ARL9: variants seen among roughly 807,000 people sequenced by gnomAD.
ARL9 encodes the protein ARF like GTPase 9, also known as ADP-ribosylation factor-like protein 9.
A neutral mutation model predicts 27.0 loss-of-function variants in ARL9; 14 were observed. That is an observed-to-expected ratio of 0.52 (90% CI 0.34 to 0.81). The LOEUF (loss-of-function observed/expected upper bound fraction) is 0.81, where lower values mean the gene tolerates loss of function less well. ARL9 is among the 30% of genes least tolerant of loss of function. ARL9 has a pLI of 0.01. For missense variants in ARL9, 294 were observed against 290.0 expected, an observed-to-expected ratio of 1.01 and a Z score of -0.10; for synonymous variants, 106 against 108.7, an observed-to-expected ratio of 0.98 and a Z score of 0.15.
chr4:56,519,747 T>C (rs935023390), intron 3 of ARL9, among the ~76,000 whole-genome samples: 1 of 152,216 alleles, frequency 6.6e-6, no homozygotes, highest in African/African-American at 2.4e-5. Context: ...TTGTTTTGTA[T>C]GTTTTATGTT....
At chr4:56,516,702 G>A (rs1578212559) in intron 2 of ARL9, among the ~76,000 whole-genome samples, 1 of 152,132 alleles carries the variant, frequency 6.6e-6, no homozygotes, top group Non-Finnish European at 1.5e-5. Flanking sequence ...AAGCCAAGGT[G>A]GGTGGATCAC....
At position 56,518,709 on chromosome 4, in the gene ARL9, G is replaced by A. The variant is rs896944003; in HGVS notation, c.474G>A (p.Trp158Ter). 11 of 1,613,394 alleles carry A rather than the reference G, an allele frequency of 6.8e-6. No homozygotes were observed. Among genetic ancestry groups the A allele is most frequent in the Non-Finnish European group, 9.3e-6 (11 of 1,179,668 alleles). ...IGGSKPFRSYWEMYLSKGLLL... is the reference protein window; with the variant it reads ...IGGSKPFRSY ...GCAGTAAACCTTTTCGGTCCTACTG[G>A]GAAATGTACCTATCCAAGGGATTGC... Residue 158 changes from tryptophan to a stop codon, truncating the protein, a stop_gained, in exon 3 of 4, where the codon TGG becomes TGA. Coordinates refer to ENST00000640821, the MANE Select transcript of ARL9 (RefSeq NM_001363794.2). LOFTEE classifies it high-confidence loss of function.
At chr4:56,522,811 C>T (rs56285529) in intron 3 of ARL9, among the ~76,000 whole-genome samples, 1 of 152,160 alleles carries the variant, frequency 6.6e-6, no homozygotes, top group Non-Finnish European at 1.5e-5. Context: ...CCATCTCTTT[C>T]CCTGTCTCTC....
rs1721921339 is a variant in ARL9 at position 56,521,640 on chromosome 4, T to C, written c.619-2057T>C. On this transcript the variant is annotated intron_variant, in intron 3 of 3. Transcript: ENST00000640821. ...TCTACATCCTTGTCAATACTTGGTATTATCAGACTTTTTCATTTTTGCCAA... is the reference window on the plus strand; with the variant it reads ...TCTACATCCTTGTCAATACTTGGTACTATCAGACTTTTTCATTTTTGCCAA... Among the ~76,000 whole-genome samples the C allele has an allele frequency of 2.0e-5, 3 of 152,350 alleles. No individual in the cohort carries two copies. In the South Asian group the frequency reaches 6.2e-4, roughly 32 times the overall value.
At chr4:56,523,241 G>T (rs1721976333) in intron 3 of ARL9, among the ~76,000 whole-genome samples, 2 of 152,186 alleles carry the variant, frequency 1.3e-5, no homozygotes, top group South Asian at 4.1e-4. Flanking sequence ...TTTTAAAAAT[G>T]AGTGGGGCGT....
In ARL9 at chr4:56,509,542, G is replaced by GT. The variant is rs372463247; in HGVS notation, c.280-1633dup. 4.6e-3 allele frequency among the ~76,000 whole-genome samples: 652 copies of GT among 143,264 alleles called. 5 individuals carry two copies. Among genetic ancestry groups the GT allele is most frequent in the African/African-American group, 0.014 (543 of 39,006 alleles). The allele number at this position is 143,264 out of a possible 152,430, so 94.0% of individuals were successfully genotyped here. A position where few individuals can be genotyped will look rare whatever the true frequency, so the allele number is the denominator to read the frequency against. ...AGTTTACTTCAAGTTCATCAGTTTA[G>GT]TTTTTTTTTTGAGACGTTGTCTTGC... On this transcript the variant is annotated intron_variant, in intron 1 of 3. Coordinates refer to ENST00000640821, the MANE Select transcript of ARL9 (RefSeq NM_001363794.2).
chr4:56,521,310 G>A (rs1267009950), intron 3 of ARL9, among the ~76,000 whole-genome samples: 1 of 152,030 alleles, frequency 6.6e-6, no homozygotes, highest in Non-Finnish European at 1.5e-5. Context: ...GAAGATCATG[G>A]TACATGTAAG....
chr4:56,510,929 A>C (rs905230100), intron 1 of ARL9, among the ~76,000 whole-genome samples: 4 of 151,780 alleles, frequency 2.6e-5, no homozygotes, highest in Non-Finnish European at 5.9e-5. Context: ...ACGCCACCAC[A>C]CCTGGCTAAT....
In ARL9 at chr4:56,508,838, A is replaced by T. The variant is rs190151556; in HGVS notation, c.280-2347A>T. ...AGACATTCTAATGCTGTTTAAGATC[A>T]CTTTTTTCTAGAAATCTAGTTTAAG... On this transcript the variant is annotated intron_variant, in intron 1 of 3. Coordinates refer to ENST00000640821, the MANE Select transcript of ARL9 (RefSeq NM_001363794.2). Among the ~76,000 whole-genome samples the T allele has an allele frequency of 2.0e-5, 3 of 152,302 alleles. No homozygotes were observed. In the East Asian group the frequency reaches 5.8e-4, roughly 29 times the overall value.
intron 3 of ARL9, among the ~76,000 whole-genome samples, chr4:56,520,666 T>A (rs73818118): frequency 0.073 from 11,051 of 152,254 alleles, 497 homozygotes; most frequent in Admixed American, 0.13. Flanking sequence ...TTTTGTTACA[T>A]GTATTTAACA....
rs544444156 is a variant in ARL9, at chr4:56,512,204, C to T, written c.442+857C>T. 3.3e-5 allele frequency among the ~76,000 whole-genome samples: 5 copies of T among 152,306 alleles called. No homozygotes were observed. In the East Asian group the frequency reaches 7.7e-4, roughly 23 times the overall value. The stretch of plus-strand genomic sequence containing the variant: ...TCTATTACTTAGATTATTATAGTCA[C>T]CTTTTTACTTTGGCTTTTATCTGTT... On this transcript the variant is annotated intron_variant, in intron 2 of 3. Transcript: ENST00000640821.
intron 2 of ARL9, among the ~76,000 whole-genome samples, chr4:56,516,328 A>G (rs1479730699): frequency 5.3e-5 from 8 of 152,180 alleles, no homozygotes; most frequent in Non-Finnish European, 1.0e-4. Context: ...ACAAAAAATA[A>G]TAACCATAAG....
upstream of ARL9, chr4:56,505,487 T>G (rs1419075470): frequency 1.3e-5 from 6 of 472,846 alleles, no homozygotes; most frequent in South Asian, 9.3e-5. Flanking sequence ...TGGAAGGCTC[T>G]TAGCCACCCT....
At chr4:56,518,410 G>C (rs907038319) in intron 2 of ARL9, among the ~76,000 whole-genome samples, 14 of 152,142 alleles carry the variant, frequency 9.2e-5, no homozygotes, top group Non-Finnish European at 2.1e-4. Context: ...ATGGGATCAG[G>C]AGACATCCAC....
intron 1 of ARL9, among the ~76,000 whole-genome samples, chr4:56,509,701 ATTTTTT>A (rs766835732): frequency 7.1e-5 from 7 of 98,314 alleles, no homozygotes; most frequent in East Asian, 3.6e-4. Context: ...CACTGGGCTA[ATTTTTT>A]TTTTTTTTTT....
At chr4:56,516,043 A>G (rs1218064941) in intron 2 of ARL9, among the ~76,000 whole-genome samples, 1 of 152,232 alleles carries the variant, frequency 6.6e-6, no homozygotes, top group Non-Finnish European at 1.5e-5. Context: ...CAAGTATCAA[A>G]TCTTATTATA....
At chr4:56,522,585 G>T (rs1721954739) in intron 3 of ARL9, among the ~76,000 whole-genome samples, 2 of 152,104 alleles carry the variant, frequency 1.3e-5, no homozygotes, top group African/African-American at 4.8e-5. Flanking sequence ...TTTTACAAAG[G>T]ACTGGAAAAC....
In ARL9 at chr4:56,512,206, T is replaced by G. The variant is rs189531821; in HGVS notation, c.442+859T>G. 4.4e-3 allele frequency among the ~76,000 whole-genome samples: 671 copies of G among 152,346 alleles called. 7 individuals carry two copies. The highest frequency in any genetic ancestry group is 0.016 in the African/African-American group (646 of 41,584). On this transcript the variant is annotated intron_variant, in intron 2 of 3. Transcript: ENST00000640821. ...TATTACTTAGATTATTATAGTCACC[T>G]TTTTACTTTGGCTTTTATCTGTTTA... is the stretch of plus-strand genomic sequence containing the variant.
At chr4:56,513,405 A>T (rs980544382) in intron 2 of ARL9, among the ~76,000 whole-genome samples, 8 of 152,374 alleles carry the variant, frequency 5.3e-5, no homozygotes, top group Non-Finnish European at 8.8e-5. Flanking sequence ...ATCTCTAAAA[A>T]ATTCTTGTAG....
Sources: gnomAD v4.1 joint callset for allele counts (sites outside exome capture counted in the v4.1 genomes callset) on GRCh38, gnomAD v4.1.1 for gene constraint, MANE v1.5 for transcripts, NCBI Gene and HGNC (gene_info 2026-07-23, HGNC 2026-07-21) for gene names.